Variants in GRM7 observed in about 807,000 individuals in gnomAD.
GRM7 encodes the protein metabotropic glutamate receptor 7.
GRM7 carries 35 observed loss-of-function variants against 84.5 expected under a neutral mutation model. That is an observed-to-expected ratio of 0.41 (90% CI 0.32 to 0.55). The LOEUF (loss-of-function observed/expected upper bound fraction) is 0.55. Among genes scored for constraint, GRM7 ranks in the 20% least tolerant of loss-of-function variants. The pLI, the probability that GRM7 is intolerant of heterozygous loss-of-function variation, is 0.19. For missense variants in GRM7, 1,003 were observed against 1,194.6 expected (o/e 0.84, Z 2.36); for synonymous variants, 487 against 455.1 (o/e 1.07, Z -0.89).
intron 4 of GRM7, among the ~76,000 whole-genome samples, chr3:7,400,375 C>A (rs1377535839): frequency 6.6e-6 from 1 of 152,174 alleles, no homozygotes; most frequent in Non-Finnish European, 1.5e-5. Flanking sequence ...AGTATGCATT[C>A]TAAGAACCAA....
intron 4 of GRM7, among the ~76,000 whole-genome samples, chr3:7,396,167 C>A (rs1258636672): frequency 6.6e-6 from 1 of 151,990 alleles, no homozygotes; most frequent in African/African-American, 2.4e-5. Flanking sequence ...CCCAAGTACA[C>A]CTGGGAGAAA....
chr3:7,094,476 A>G (rs1475880206), intron 1 of GRM7, among the ~76,000 whole-genome samples: 1 of 152,210 alleles, frequency 6.6e-6, no homozygotes, highest in South Asian at 2.1e-4. Context: ...GCTAAGAATA[A>G]CTTGATCAAA....
At chr3:7,181,617 A>G (rs989471653) in intron 2 of GRM7, among the ~76,000 whole-genome samples, 2 of 151,888 alleles carry the variant, frequency 1.3e-5, no homozygotes, top group Non-Finnish European at 2.9e-5. Flanking sequence ...TTATTTATTT[A>G]TTTATTTTTG....
At chr3:6,939,445 A>G (rs924468170) in intron 1 of GRM7, among the ~76,000 whole-genome samples, 1 of 152,182 alleles carries the variant, frequency 6.6e-6, no homozygotes, top group Admixed American at 6.5e-5. Context: ...TAAAAAAAAA[A>G]AACAGTTATT....
chr3:7,378,102 A>ATGT (rs1694432912), intron 4 of GRM7, among the ~76,000 whole-genome samples: 3 of 152,290 alleles, frequency 2.0e-5, no homozygotes, highest in Admixed American at 1.3e-4. Flanking sequence ...TATGACTTCA[A>ATGT]AGCTAAGCCA....
rs372724408 is a variant in GRM7 at position 7,686,309 on chromosome 3, G to C, written c.2698+6014G>C. The C allele has an allele frequency of 5.1e-6, 4 of 788,072 alleles. No homozygotes were observed. The Admixed American group carries it at 7.5e-5, about 15-fold the overall frequency. The allele number at this position is 788,072 out of a possible 1,614,324, so 48.8% of individuals were successfully genotyped here. On this transcript the variant is annotated intron_variant, in intron 9 of 9. Transcript: ENST00000357716. ...AATAATAATAATAAAAAGTAATATTGTGTGCACATTTATTTTATACATACC... is the reference window on the plus strand; with the variant it reads ...AATAATAATAATAAAAAGTAATATTCTGTGCACATTTATTTTATACATACC...
intron 8 of GRM7, among the ~76,000 whole-genome samples, chr3:7,677,261 TTAAAAAAA>T (rs759009241): frequency 0.36 from 36,999 of 102,682 alleles, 7,067 homozygotes; most frequent in Non-Finnish European, 0.44. Context: ...GACTCTGTCT[TTAAAAAAA>T]AAAAAAAAAA....
intron 7 of GRM7, among the ~76,000 whole-genome samples, chr3:7,572,663 T>A (rs1399858663): frequency 6.7e-6 from 1 of 149,100 alleles, no homozygotes; most frequent in African/African-American, 2.5e-5. Context: ...ACAAAAAAAA[T>A]ACAAAAAAAT....
intron 1 of GRM7, among the ~76,000 whole-genome samples, chr3:6,878,376 TGC>T (rs1337399862): frequency 2.7e-5 from 3 of 112,564 alleles, no homozygotes; most frequent in African/African-American, 7.5e-5. Flanking sequence ...TTTATGTGTT[TGC>T]GTGTGTGTGT....
chr3:7,382,198 T>G (rs1559282508), intron 4 of GRM7, among the ~76,000 whole-genome samples: 1 of 152,106 alleles, frequency 6.6e-6, no homozygotes, highest in Admixed American at 6.5e-5. Context: ...TTACTATGAG[T>G]GAAAGCTGTT....
At chr3:7,262,949 T>TG (rs55975606) in intron 2 of GRM7, among the ~76,000 whole-genome samples, 152,321 of 152,330 alleles carry the variant, frequency 1, 76,156 homozygotes, top group Middle Eastern at 1. Context: ...CCACCCACCA[T>TG]GCCTCTCAAA....
intron 1 of GRM7, among the ~76,000 whole-genome samples, chr3:6,872,737 G>A (rs1425657674): frequency 6.6e-6 from 1 of 152,002 alleles, no homozygotes; most frequent in Non-Finnish European, 1.5e-5. Context: ...TCCTGTGTTA[G>A]TTTGCTGAGA....
intron 1 of GRM7, among the ~76,000 whole-genome samples, chr3:7,126,816 C>A (rs193069085): frequency 1.5e-4 from 23 of 152,278 alleles, no homozygotes; most frequent in Middle Eastern, 3.4e-3. Flanking sequence ...CATCATATAT[C>A]TCTATCTCCC....
intron 2 of GRM7, among the ~76,000 whole-genome samples, chr3:7,281,473 T>G (rs1281894867): frequency 1.3e-5 from 2 of 152,234 alleles, no homozygotes; most frequent in Non-Finnish European, 2.9e-5. Flanking sequence ...GAAATTTATC[T>G]GTGTCACATT....
intron 1 of GRM7, among the ~76,000 whole-genome samples, chr3:7,098,665 C>G (rs1698939491): frequency 6.6e-6 from 1 of 151,984 alleles, no homozygotes; most frequent in South Asian, 2.1e-4. Context: ...ATAATTATAG[C>G]TCTAGCAGAG....
chr3:7,030,045 T>G (rs1354282785), intron 1 of GRM7, among the ~76,000 whole-genome samples: 1 of 152,110 alleles, frequency 6.6e-6, no homozygotes, highest in Admixed American at 6.5e-5. Flanking sequence ...AATCAAAATA[T>G]CTACCAACAG....
intron 8 of GRM7, chr3:7,591,482 A>G: frequency 2.2e-6 from 1 of 446,404 alleles, no homozygotes; most frequent in Non-Finnish European, 4.5e-6. Flanking sequence ...GTATATCAAA[A>G]GCTTTTAGAA....
chr3:7,068,944 G>C (rs1311550145), intron 1 of GRM7, among the ~76,000 whole-genome samples: 1 of 151,654 alleles, frequency 6.6e-6, no homozygotes. Flanking sequence ...TTTTAGTTCT[G>C]CTTTTCTCAA....
intron 8 of GRM7, among the ~76,000 whole-genome samples, chr3:7,649,781 T>A (rs1357198441): frequency 6.6e-6 from 1 of 151,468 alleles, no homozygotes; most frequent in African/African-American, 2.4e-5. Flanking sequence ...ACATGGCCTA[T>A]ATAATTTTCC....
Sources: gnomAD v4.1 joint callset for allele counts (sites outside exome capture counted in the v4.1 genomes callset) on GRCh38, gnomAD v4.1.1 for gene constraint, MANE v1.5 for transcripts, NCBI Gene and HGNC (gene_info 2026-07-23, HGNC 2026-07-21) for gene names.